The following ARHGAP32 variants were observed in gnomAD, a reference collection of about 807,000 sequenced individuals.
ARHGAP32 encodes Rho GTPase activating protein 32.
A neutral mutation model predicts 186.5 loss-of-function variants in ARHGAP32; 51 were observed. The ratio of observed to expected loss-of-function variants is 0.27; its 90% CI spans 0.22 to 0.35. The LOEUF is 0.35. Among genes scored for constraint, ARHGAP32 ranks in the 10% least tolerant of loss-of-function variants. ARHGAP32 has a pLI of 1.00. For missense variants in ARHGAP32, 2,186 were observed against 2,623.5 expected (o/e 0.83, Z 3.64); for synonymous variants, 950 against 964.3 (o/e 0.99, Z 0.27).
intron 1 of ARHGAP32, among the ~76,000 whole-genome samples, chr11:129,215,857 G>A (rs1944637966): frequency 6.6e-6 from 1 of 152,044 alleles, no homozygotes; most frequent in Non-Finnish European, 1.5e-5. Context: ...TACCTTATTT[G>A]AAAAAAGAGT....
intron 1 of ARHGAP32, among the ~76,000 whole-genome samples, chr11:129,227,121 G>C (rs898340429): frequency 6.6e-6 from 1 of 151,988 alleles, no homozygotes; most frequent in South Asian, 2.1e-4. Context: ...ACAAAGGAAG[G>C]GGAAGGGAAG....
At chr11:129,046,306 GT>G (rs1221948741) in intron 10 of ARHGAP32, among the ~76,000 whole-genome samples, 1 of 149,054 alleles carries the variant, frequency 6.7e-6, no homozygotes, top group Non-Finnish European at 1.5e-5. Context: ...TATTACCTTT[GT>G]TTTTAATACA....
chr11:129,252,283 G>A (rs1025492136), intron 1 of ARHGAP32, among the ~76,000 whole-genome samples: 5 of 152,088 alleles, frequency 3.3e-5, no homozygotes, highest in Non-Finnish European at 5.9e-5. Flanking sequence ...TCCTACTCTC[G>A]AAAACTGGGT....
chr11:129,012,581 G>T (rs1565374736), intron 11 of ARHGAP32, among the ~76,000 whole-genome samples: 1 of 152,150 alleles, frequency 6.6e-6, no homozygotes, highest in African/African-American at 2.4e-5. Context: ...GCCCACAGCT[G>T]AGGGATCCCT....
Position 129,122,385 on chromosome 11 carries a change from A to C in ARHGAP32, c.444+1061T>G, listed in dbSNP as rs145356456. On this transcript the variant is annotated intron_variant, in intron 5 of 22. Coordinates refer to ENST00000682385, the MANE Select transcript of ARHGAP32 (RefSeq NM_001378024.1). Reference sequence around the variant, plus strand: ...TAGAAAATAATTTACCTAAATTGCAAGCTGAGTAAACTAAATCACTCAAAC... The same window carrying C: ...TAGAAAATAATTTACCTAAATTGCACGCTGAGTAAACTAAATCACTCAAAC... 1.8e-3 allele frequency among the ~76,000 whole-genome samples: 275 copies of C among 152,216 alleles called. 2 individuals carry two copies. Among genetic ancestry groups the C allele is most frequent in the African/African-American group, 6.2e-3 (259 of 41,550 alleles).
chr11:129,193,710 T>TTATATAATATATAA (rs1565465009), upstream of ARHGAP32, among the ~76,000 whole-genome samples: 4 of 37,242 alleles, frequency 1.1e-4, no homozygotes, highest in African/African-American at 1.8e-4. Context: ...ATAATATATA[T>TTATATAATATATAA]TATATATTAT....
At chr11:129,193,570 ATATATATATAT>A (rs1336227231), upstream of ARHGAP32, among the ~76,000 whole-genome samples, 71 of 11,862 alleles carry the variant, frequency 6.0e-3, 5 homozygotes, top group East Asian at 0.061. Flanking sequence ...ATTATATATA[ATATATATATAT>A]TATATAATAT....
At chr11:129,138,295 G>GAA (rs1942976876) in intron 2 of ARHGAP32, among the ~76,000 whole-genome samples, 1 of 66,430 alleles carries the variant, frequency 1.5e-5, no homozygotes, top group African/African-American at 7.0e-5. Flanking sequence ...ACCCTTACTG[G>GAA]TAAAAAAAAA....
intron 1 of ARHGAP32, among the ~76,000 whole-genome samples, chr11:129,254,803 A>G (rs955835747): frequency 2.0e-5 from 3 of 152,142 alleles, no homozygotes; most frequent in Non-Finnish European, 4.4e-5. Context: ...TTTGAACTAG[A>G]TATTTTACTA....
intron 2 of ARHGAP32, among the ~76,000 whole-genome samples, chr11:129,162,856 C>A (rs571952160): frequency 6.6e-6 from 1 of 152,258 alleles, no homozygotes; most frequent in African/African-American, 2.4e-5. Context: ...ACTGTCCATG[C>A]ATCCCAAATT....
At chr11:129,204,982 A>G (rs1045227723) in intron 1 of ARHGAP32, among the ~76,000 whole-genome samples, 2 of 152,140 alleles carry the variant, frequency 1.3e-5, no homozygotes, top group African/African-American at 4.8e-5. Flanking sequence ...ATCCTTTCTT[A>G]TTGAAATTTG....
intron 1 of ARHGAP32, among the ~76,000 whole-genome samples, chr11:129,179,507 C>T (rs867425525): frequency 0.026 from 3,923 of 151,300 alleles, 127 homozygotes; most frequent in African/African-American, 0.088. Context: ...ATGTTTATTG[C>T]GGCATTATTC....
chr11:129,127,447 G>C (rs1942688971), intron 2 of ARHGAP32, among the ~76,000 whole-genome samples: 1 of 151,984 alleles, frequency 6.6e-6, no homozygotes, highest in African/African-American at 2.4e-5. Flanking sequence ...TATTTTCCTA[G>C]AGCACAGAAA....
chr11:128,979,019 A>G (rs2136096520), intron 18 of ARHGAP32, 104 bp from the exon 19 acceptor site: 1 of 1,036,770 alleles, frequency 9.6e-7, no homozygotes, highest in Non-Finnish European at 1.4e-6. Flanking sequence ...AGGCTGGAGA[A>G]GCATAAGTGA....
intron 1 of ARHGAP32, among the ~76,000 whole-genome samples, chr11:129,247,576 T>C (rs1387462641): frequency 6.6e-6 from 1 of 152,190 alleles, no homozygotes; most frequent in Admixed American, 6.5e-5. Flanking sequence ...TTCCAGTTTA[T>C]ATTAAAGGAA....
At chr11:129,209,369 G>A (rs1944551965) in intron 1 of ARHGAP32, among the ~76,000 whole-genome samples, 1 of 151,420 alleles carries the variant, frequency 6.6e-6, no homozygotes, top group African/African-American at 2.4e-5. Context: ...GGTCAGCTAA[G>A]GGCAATAACA....
intron 5 of ARHGAP32, among the ~76,000 whole-genome samples, chr11:129,121,053 AT>A (rs1942515797): frequency 6.6e-6 from 1 of 152,112 alleles, no homozygotes; most frequent in Non-Finnish European, 1.5e-5. Context: ...AAATGTGCTA[AT>A]TTTTACCTAT....
chr11:129,089,327 C>T (rs1361971213), intron 6 of ARHGAP32, among the ~76,000 whole-genome samples: 2 of 152,146 alleles, frequency 1.3e-5, no homozygotes, highest in East Asian at 1.9e-4. Flanking sequence ...AGTAAACAAA[C>T]ACATAAATAA....
intron 5 of ARHGAP32, among the ~76,000 whole-genome samples, chr11:129,121,487 T>C (rs1396510928): frequency 2.0e-5 from 3 of 151,944 alleles, no homozygotes; most frequent in East Asian, 1.9e-4. Flanking sequence ...CTGTGCCAAG[T>C]AGAGGACCAT....
Sources: gnomAD v4.1 joint callset for allele counts (sites outside exome capture counted in the v4.1 genomes callset) on GRCh38, gnomAD v4.1.1 for gene constraint, MANE v1.5 for transcripts, NCBI Gene and HGNC (gene_info 2026-07-23, HGNC 2026-07-21) for gene names.